ATP8A2: variants seen among roughly 807,000 people sequenced by gnomAD.
The protein encoded by ATP8A2 is ATPase phospholipid transporting 8A2, also known as phospholipid-transporting ATPase IB.
A neutral mutation model predicts 165.6 loss-of-function variants in ATP8A2; 100 were observed. The ratio of observed to expected loss-of-function variants is 0.60; its 90% CI spans 0.51 to 0.71. The LOEUF (loss-of-function observed/expected upper bound fraction) is 0.71. ATP8A2 is among the 30% of genes least tolerant of loss of function. The pLI is 0.00. For synonymous variants in ATP8A2, 543 were observed against 548.8 expected (o/e 0.99, Z 0.15); for missense variants, 1,227 against 1,479.5 (o/e 0.83, Z 2.80).
At chr13:25,723,191 A>C (rs1055605161) in intron 25 of ATP8A2, among the ~76,000 whole-genome samples, 1 of 152,248 alleles carries the variant, frequency 6.6e-6, no homozygotes, top group Non-Finnish European at 1.5e-5. Flanking sequence ...ACTTGGGAGT[A>C]GAATTGCTTA....
chr13:25,929,765 A>G (rs553594308), intron 33 of ATP8A2, among the ~76,000 whole-genome samples: 7 of 152,286 alleles, frequency 4.6e-5, no homozygotes, highest in Non-Finnish European at 1.0e-4. Context: ...TTGAGGTTGC[A>G]GTGAGCTGTG....
At chr13:25,644,916 G>A (rs2041631861) in intron 24 of ATP8A2, among the ~76,000 whole-genome samples, 1 of 152,054 alleles carries the variant, frequency 6.6e-6, no homozygotes, top group South Asian at 2.1e-4. Context: ...TTTCATTGCT[G>A]ATTTTATTTA....
intron 24 of ATP8A2, among the ~76,000 whole-genome samples, chr13:25,670,729 C>T: frequency 6.6e-6 from 1 of 152,152 alleles, no homozygotes; most frequent in South Asian, 2.1e-4. Flanking sequence ...CTCCTGATGC[C>T]TTAATTAGAA....
At position 25,591,133 on chromosome 13, in the gene ATP8A2, A is replaced by G. The variant is rs898777006; in HGVS notation, c.2211+1434A>G. 227 of 297,492 alleles carry G rather than the reference A, an allele frequency of 7.6e-4. 1 individual carries two copies. The highest frequency in any genetic ancestry group is 3.2e-3 in the South Asian group (115 of 36,126). The allele number at this position is 297,492 out of a possible 1,614,324, so 18.4% of individuals were successfully genotyped here. On this transcript the variant is annotated intron_variant, in intron 24 of 36. Coordinates refer to ENST00000381655, the MANE Select transcript of ATP8A2 (RefSeq NM_016529.6). Reference sequence around the variant, plus strand: ...GGAACCTCTCATCATTGGAAATACTATGTGTGTGTGTGTGTGTGTGTGTGT... The same window carrying G: ...GGAACCTCTCATCATTGGAAATACTGTGTGTGTGTGTGTGTGTGTGTGTGT...
intron 1 of ATP8A2, among the ~76,000 whole-genome samples, chr13:25,460,983 A>C (rs1262615295): frequency 6.6e-6 from 1 of 152,204 alleles, no homozygotes; most frequent in Non-Finnish European, 1.5e-5. Flanking sequence ...ACTACTTCAC[A>C]AAATGCCTTC....
chr13:25,859,066 G>A (rs1338631107), intron 30 of ATP8A2, among the ~76,000 whole-genome samples: 2 of 152,054 alleles, frequency 1.3e-5, no homozygotes, highest in Non-Finnish European at 2.9e-5. Flanking sequence ...AGCCAGGCAT[G>A]GTGGCGGGCA....
chr13:25,967,687 A>G (rs1041162695), intron 34 of ATP8A2, among the ~76,000 whole-genome samples: 13 of 152,162 alleles, frequency 8.5e-5, no homozygotes, highest in African/African-American at 2.4e-4. Context: ...TTTTTCTCTT[A>G]TATAACCTAT....
chr13:25,640,459 G>A lies in ATP8A2; in HGVS notation c.2211+50760G>A, dbSNP rs185974318. Among the ~76,000 whole-genome samples, 2,612 of 152,276 alleles carry A rather than the reference G, an allele frequency of 0.017. 195 individuals carry two copies. The East Asian group carries it at 0.24, about 14-fold the overall frequency. On this transcript the variant is annotated intron_variant, in intron 24 of 36. Transcript: ENST00000381655. ...CCCACAGAAATACAAACTACCATCA[G>A]AGAATACTATAAACACCTCTATGCA... is the stretch of plus-strand genomic sequence containing the variant.
intron 1 of ATP8A2, among the ~76,000 whole-genome samples, chr13:25,449,621 C>T (rs2035159364): frequency 6.6e-6 from 1 of 152,130 alleles, no homozygotes; most frequent in South Asian, 2.1e-4. Context: ...TTTTCTTTCT[C>T]TGTGTTGTAT....
chr13:25,445,688 A>G (rs2035048444), intron 1 of ATP8A2, among the ~76,000 whole-genome samples: 1 of 152,244 alleles, frequency 6.6e-6, no homozygotes, highest in Non-Finnish European at 1.5e-5. Flanking sequence ...TTGGCGTCAA[A>G]TAATGATTAA....
chr13:25,414,542 A>C (rs1451222238), intron 1 of ATP8A2, among the ~76,000 whole-genome samples: 2 of 152,288 alleles, frequency 1.3e-5, no homozygotes, highest in Middle Eastern at 6.8e-3. Flanking sequence ...TATATAAGTA[A>C]ATGTAATAAA....
At chr13:25,451,852 G>GTTTTTTTTTTTTTTT (rs67427237) in intron 1 of ATP8A2, among the ~76,000 whole-genome samples, 1 of 146,800 alleles carries the variant, frequency 6.8e-6, no homozygotes, top group Non-Finnish European at 1.5e-5. Flanking sequence ...TACCTTCATG[G>GTTTTTTTTTTTTTTT]TTTTTTTTTT....
intron 1 of ATP8A2, among the ~76,000 whole-genome samples, chr13:25,376,809 C>T (rs1184932716): frequency 6.6e-6 from 1 of 152,198 alleles, no homozygotes; most frequent in East Asian, 1.9e-4. Context: ...AGGAGAGGAC[C>T]TCATAGTCAT....
At chr13:25,416,093 G>A (rs1349920562) in intron 1 of ATP8A2, among the ~76,000 whole-genome samples, 1 of 152,148 alleles carries the variant, frequency 6.6e-6, no homozygotes, top group Non-Finnish European at 1.5e-5. Flanking sequence ...CTCCCAAAGT[G>A]TTGGGATAGC....
At chr13:25,689,534 CA>C (rs2042678229) in intron 24 of ATP8A2, among the ~76,000 whole-genome samples, 1 of 152,234 alleles carries the variant, frequency 6.6e-6, no homozygotes, top group Admixed American at 6.5e-5. Flanking sequence ...TTCCAATTAT[CA>C]AGGGGACTTT....
intron 21 of ATP8A2, among the ~76,000 whole-genome samples, chr13:25,579,591 C>T (rs1268193636): frequency 2.0e-5 from 3 of 152,122 alleles, no homozygotes; most frequent in African/African-American, 4.8e-5. Context: ...TGACTTCTCG[C>T]GCACTCTCAG....
chr13:25,604,002 AG>A (rs1197330574), intron 24 of ATP8A2, among the ~76,000 whole-genome samples: 1 of 151,996 alleles, frequency 6.6e-6, no homozygotes, highest in African/African-American at 2.4e-5. Flanking sequence ...AGGATTGATA[AG>A]AGATAGCAAA....
intron 15 of ATP8A2, 121 bp downstream of exon 15, chr13:25,559,886 G>C: frequency 1.4e-6 from 1 of 726,606 alleles, no homozygotes; most frequent in South Asian, 1.7e-5. Context: ...GGAGTGCAGT[G>C]ATACTGTCAT....
chr13:25,776,230 C>G (rs1245546432), intron 27 of ATP8A2, among the ~76,000 whole-genome samples: 3 of 152,224 alleles, frequency 2.0e-5, no homozygotes, highest in African/African-American at 7.2e-5. Context: ...CTAGTTCACA[C>G]AAAAGCCCCT....
Sources: gnomAD v4.1 joint callset for allele counts (sites outside exome capture counted in the v4.1 genomes callset) on GRCh38, gnomAD v4.1.1 for gene constraint, MANE v1.5 for transcripts, NCBI Gene and HGNC (gene_info 2026-07-23, HGNC 2026-07-21) for gene names.